Variants in PTPRD observed in about 807,000 individuals in gnomAD.
PTPRD encodes protein tyrosine phosphatase receptor type D.
PTPRD carries 34 observed loss-of-function variants against 214.5 expected under a neutral mutation model. The ratio of observed to expected loss-of-function variants is 0.16; its 90% confidence interval spans 0.12 to 0.21. PTPRD has a LOEUF of 0.21. Among genes scored for constraint, PTPRD ranks in the 10% least tolerant of loss-of-function variants. The pLI, the probability that PTPRD is intolerant of heterozygous loss-of-function variation, is 1.00. For synonymous variants in PTPRD, 1,128 were observed against 845.7 expected, an observed-to-expected ratio of 1.33 and a Z score of -5.79; for missense variants, 2,545 against 2,398.7, an observed-to-expected ratio of 1.06 and a Z score of -1.27.
At chr9:8,499,896 A>C in intron 24 of PTPRD, 56 bp from the exon 25 acceptor site, 1 of 1,443,634 alleles carries the variant, frequency 6.9e-7, no homozygotes, top group Non-Finnish European at 9.3e-7. Context: ...ACCCTATCAG[A>C]GCATTTTCTG....
chr9:8,943,361 C>G (rs1248332974), intron 11 of PTPRD, among the ~76,000 whole-genome samples: 1 of 151,748 alleles, frequency 6.6e-6, no homozygotes, highest in African/African-American at 2.4e-5. Context: ...ATCAAATAAC[C>G]TGACTTCAAA....
chr9:10,040,024 C>G (rs144223210), intron 3 of PTPRD, among the ~76,000 whole-genome samples: 1 of 151,902 alleles, frequency 6.6e-6, no homozygotes, highest in Non-Finnish European at 1.5e-5. Context: ...AAGGCATGCA[C>G]GTTGTTTTCA....
chr9:9,713,345 A>C (rs1392447085), intron 7 of PTPRD, among the ~76,000 whole-genome samples: 1 of 152,184 alleles, frequency 6.6e-6, no homozygotes, highest in Non-Finnish European at 1.5e-5. Flanking sequence ...AGGAATGATT[A>C]AGTAAGATGC....
At chr9:9,313,545 T>G (rs1296543639) in intron 9 of PTPRD, among the ~76,000 whole-genome samples, 1 of 152,166 alleles carries the variant, frequency 6.6e-6, no homozygotes, top group Non-Finnish European at 1.5e-5. Context: ...GTTTACTTCT[T>G]CTTATACCAG....
At chr9:9,433,476 T>G (rs1263217200) in intron 8 of PTPRD, among the ~76,000 whole-genome samples, 2 of 152,204 alleles carry the variant, frequency 1.3e-5, no homozygotes, top group African/African-American at 4.8e-5. Context: ...ACAAGGATTC[T>G]TCTCTTTTTA....
intron 3 of PTPRD, among the ~76,000 whole-genome samples, chr9:10,064,385 A>T (rs941658053): frequency 4.6e-5 from 7 of 152,032 alleles, no homozygotes; most frequent in African/African-American, 1.7e-4. Context: ...AAAAGATGAA[A>T]AACATGAGAA....
intron 5 of PTPRD, among the ~76,000 whole-genome samples, chr9:9,828,123 A>G (rs1162115325): frequency 6.6e-6 from 1 of 152,116 alleles, no homozygotes; most frequent in East Asian, 1.9e-4. Flanking sequence ...AGAACTAGAA[A>G]TAACATTTGA....
intron 35 of PTPRD, among the ~76,000 whole-genome samples, chr9:8,416,824 G>A (rs2093973828): frequency 2.0e-5 from 3 of 151,846 alleles, no homozygotes; most frequent in Admixed American, 6.6e-5. Flanking sequence ...CAAATTTAGA[G>A]GTATCTTAGA....
At chr9:8,588,638 C>T (rs1181599748) in intron 14 of PTPRD, among the ~76,000 whole-genome samples, 1 of 151,950 alleles carries the variant, frequency 6.6e-6, no homozygotes, top group Non-Finnish European at 1.5e-5. Flanking sequence ...CATTTTCTTC[C>T]TAGAACTCAC....
intron 5 of PTPRD, among the ~76,000 whole-genome samples, chr9:9,893,698 G>C (rs1389347721): frequency 3.3e-5 from 5 of 152,092 alleles, no homozygotes; most frequent in African/African-American, 1.2e-4. Context: ...ATACCATTAA[G>C]ATCCTTCCCA....
intron 4 of PTPRD, among the ~76,000 whole-genome samples, chr9:9,942,221 T>A (rs2091643029): frequency 6.6e-6 from 1 of 152,142 alleles, no homozygotes; most frequent in African/African-American, 2.4e-5. Flanking sequence ...ATACATATAT[T>A]CTTATTCTCC....
At chr9:8,704,408 G>A (rs886314626) in intron 12 of PTPRD, among the ~76,000 whole-genome samples, 2 of 151,924 alleles carry the variant, frequency 1.3e-5, no homozygotes, top group Non-Finnish European at 2.9e-5. Context: ...AGGATGGGAA[G>A]AAGGAAAAAA....
chr9:10,326,125 T>TA (rs1274460679), intron 3 of PTPRD, among the ~76,000 whole-genome samples: 1 of 151,614 alleles, frequency 6.6e-6, no homozygotes, highest in East Asian at 1.9e-4. Context: ...CAAACAAAAC[T>TA]AAAAAACAAT....
rs1361409684 is a variant in PTPRD at position 8,316,727 on chromosome 9, G to C, written c.*1147C>G. The C allele has an allele frequency of 4.3e-6, 1 of 230,502 alleles. No individual in the cohort carries two copies. Among genetic ancestry groups the C allele is most frequent in the Non-Finnish European group, 8.6e-6 (1 of 116,514 alleles). The allele number at this position is 230,502 out of a possible 1,614,324, so 14.3% of individuals were successfully genotyped here. ...GGATGTGATTGATTGGTTAGGTGGG[G>C]GTAGATTAGGTAGGAAATCAGGGGG... is the stretch of plus-strand genomic sequence containing the variant. On this transcript the variant is annotated 3_prime_UTR_variant, in exon 46 of 46. Coordinates refer to ENST00000381196, the MANE Select transcript of PTPRD (RefSeq NM_002839.4).
chr9:10,496,863 G>C (rs1472756525), intron 2 of PTPRD, among the ~76,000 whole-genome samples: 1 of 151,960 alleles, frequency 6.6e-6, no homozygotes, highest in Non-Finnish European at 1.5e-5. Context: ...TTAGACCTTT[G>C]TCAGATGCAT....
chr9:8,370,215 C>T (rs995412217), intron 39 of PTPRD, among the ~76,000 whole-genome samples: 7 of 66,810 alleles, frequency 1.0e-4, no homozygotes, highest in African/African-American at 2.0e-4. Context: ...TATACACACA[C>T]ACACACACAC....
chr9:8,840,751 T>G (rs1339660931), intron 11 of PTPRD, among the ~76,000 whole-genome samples: 1 of 150,540 alleles, frequency 6.6e-6, no homozygotes, highest in Non-Finnish European at 1.5e-5. Flanking sequence ...TCATGCCCAT[T>G]CTTAATTTTT....
intron 11 of PTPRD, among the ~76,000 whole-genome samples, chr9:9,005,935 G>A (rs1440138920): frequency 2.0e-5 from 3 of 151,994 alleles, no homozygotes; most frequent in Non-Finnish European, 4.4e-5. Flanking sequence ...TGATTATTTG[G>A]AAAATATACA....
At chr9:9,533,022 C>T (rs1376165926) in intron 8 of PTPRD, among the ~76,000 whole-genome samples, 1 of 152,124 alleles carries the variant, frequency 6.6e-6, no homozygotes, top group Non-Finnish European at 1.5e-5. Flanking sequence ...TACAGAGATG[C>T]TCAACATCCT....
Sources: allele counts gnomAD v4.1 joint callset (sites outside exome capture counted in the v4.1 genomes callset), GRCh38; gene constraint gnomAD v4.1.1; transcripts MANE v1.5; gene names NCBI Gene and HGNC (gene_info 2026-07-23, HGNC 2026-07-21).